The following PARD3 variants were observed in gnomAD, a reference collection of about 807,000 sequenced individuals.
PARD3 encodes partitioning defective 3 homolog.
A neutral mutation model predicts 155.4 loss-of-function variants in PARD3; 75 were observed. That is an observed-to-expected ratio of 0.48 (90% CI 0.40 to 0.58). PARD3 has a LOEUF of 0.58. Ranked by LOEUF, PARD3 falls within the 20% of genes least tolerant of loss-of-function variation. The pLI is 0.00. For synonymous variants in PARD3, 576 were observed against 610.5 expected, an observed-to-expected ratio of 0.94 and a Z score of 0.83; for missense variants, 1,642 against 1,721.7, an observed-to-expected ratio of 0.95 and a Z score of 0.82.
chr10:34,559,924 A>C (rs2085324993), intron 2 of PARD3, among the ~76,000 whole-genome samples: 1 of 152,192 alleles, frequency 6.6e-6, no homozygotes, highest in Admixed American at 6.5e-5. Context: ...CGTTCACATT[A>C]TATAGGGCAT....
intron 22 of PARD3, among the ~76,000 whole-genome samples, chr10:34,158,743 T>C (rs1949132254): frequency 6.6e-6 from 1 of 152,348 alleles, no homozygotes; most frequent in African/African-American, 2.4e-5. Flanking sequence ...TAGCTACAAG[T>C]GGCTATTAAG....
At chr10:34,790,844 T>C (rs2134242465) in intron 1 of PARD3, among the ~76,000 whole-genome samples, 1 of 152,236 alleles carries the variant, frequency 6.6e-6, no homozygotes, top group South Asian at 2.1e-4. Flanking sequence ...ACCAAAAAAA[T>C]GGCCTGTGAC....
At chr10:34,323,994 C>A (rs1197126594) in intron 19 of PARD3, among the ~76,000 whole-genome samples, 1 of 152,202 alleles carries the variant, frequency 6.6e-6, no homozygotes, top group African/African-American at 2.4e-5. Context: ...GCATTCCTAA[C>A]CCTACAGTTG....
chr10:34,418,827 G>A (rs971747014), intron 5 of PARD3, among the ~76,000 whole-genome samples: 2 of 152,098 alleles, frequency 1.3e-5, no homozygotes, highest in African/African-American at 4.8e-5. Flanking sequence ...CTGGAGTGCA[G>A]TGGCATAATC....
chr10:34,344,140 G>T, intron 15 of PARD3: 1 of 981,218 alleles, frequency 1.0e-6, no homozygotes, highest in Non-Finnish European at 1.2e-6. Context: ...AAATTATTCA[G>T]CTAAAAAAGT....
intron 5 of PARD3, among the ~76,000 whole-genome samples, chr10:34,426,196 T>C (rs761490723): frequency 2.2e-4 from 34 of 152,326 alleles, no homozygotes; most frequent in Non-Finnish European, 2.1e-4. Flanking sequence ...GCAAACAGTT[T>C]AGTAAAAGGA....
chr10:34,814,844 CCCCCTCCCCGCCCGCGCCCCCGG>C lies in PARD3; in HGVS notation c.120+9_120+31del, dbSNP rs754925673. On this transcript the variant is annotated intron_variant, in intron 1 of 24. Coordinates refer to ENST00000374788, the MANE Select transcript of PARD3 (RefSeq NM_001184785.2). ...GATCCCGGCGCCGTCCCCGCCGCCGCCCCCTCCCCGCCCGCGCCCCCGGCCCCTCACCTTGGCGATGGCCTTCC... is the reference window on the plus strand; with the variant it reads ...GATCCCGGCGCCGTCCCCGCCGCCGCCCCCTCACCTTGGCGATGGCCTTCC... 6 of 1,297,804 alleles carry C rather than the reference CCCCCTCCCCGCCCGCGCCCCCGG, an allele frequency of 4.6e-6. No individual in the cohort carries two copies. The Admixed American group carries it at 1.3e-4, about 28-fold the overall frequency. The allele number at this position is 1,297,804 out of a possible 1,614,324, so 80.4% of individuals were successfully genotyped here. A position where few individuals can be genotyped will look rare whatever the true frequency, so the allele number is the denominator to read the frequency against.
At chr10:34,508,110 C>G (rs1349707843) in intron 3 of PARD3, among the ~76,000 whole-genome samples, 1 of 152,064 alleles carries the variant, frequency 6.6e-6, no homozygotes, top group Non-Finnish European at 1.5e-5. Flanking sequence ...GGGGCACTAA[C>G]TTAGGTACAA....
rs923148907 is a variant in PARD3 at position 34,763,710 on chromosome 10, G to A, written c.120+51166C>T. Reference sequence around the variant, plus strand: ...ACACCTGCAGCTGTGTCTAGCCCACGGCCACCTGGGTACTCAGGAGAGACG... The same window carrying A: ...ACACCTGCAGCTGTGTCTAGCCCACAGCCACCTGGGTACTCAGGAGAGACG... On this transcript the variant is annotated intron_variant, in intron 1 of 24. Transcript: ENST00000374788. 3.3e-5 allele frequency among the ~76,000 whole-genome samples: 5 copies of A among 152,114 alleles called. No individual in the cohort carries two copies. In the East Asian group the frequency reaches 5.8e-4, roughly 18 times the overall value.
chr10:34,725,133 G>C (rs936416277), intron 1 of PARD3, among the ~76,000 whole-genome samples: 1 of 126,218 alleles, frequency 7.9e-6, no homozygotes, highest in African/African-American at 2.6e-5. Flanking sequence ...GTGTGTGTGT[G>C]TGTGTGTGTG....
At chr10:34,260,754 C>T (rs1339610888) in intron 22 of PARD3, among the ~76,000 whole-genome samples, 2 of 152,172 alleles carry the variant, frequency 1.3e-5, no homozygotes, top group Non-Finnish European at 2.9e-5. Flanking sequence ...GTAAGTAATA[C>T]TAAGCAAACA....
chr10:34,814,976 A>G lies in PARD3; in HGVS notation c.20T>C (p.Phe7Ser). The G allele has an allele frequency of 1.9e-6, 3 of 1,543,110 alleles. No homozygotes were observed. The highest frequency in any genetic ancestry group is 2.6e-6 in the Non-Finnish European group (3 of 1,146,250). ...CGGCACGACCACCCGGGTCCGTCCG[A>G]AGCACACGGTCACTTTCATGCCGCC... The part of the protein sequence containing the change: MKVTVC[F>S]GRTRVVVPCG... The change falls in exon 1 of 25, where the codon TTC becomes TCC. Residue 7 changes from phenylalanine to serine, a missense_variant. By Grantham distance (155) the Phe-to-Ser change is radical. Transcript: ENST00000374788.
intron 21 of PARD3, among the ~76,000 whole-genome samples, chr10:34,271,990 C>T (rs1453201086): frequency 6.6e-6 from 1 of 152,186 alleles, no homozygotes; most frequent in Non-Finnish European, 1.5e-5. Context: ...GCCAAACTTT[C>T]GTTTATGTAG....
chr10:34,584,925 T>G (rs1055360160), intron 2 of PARD3, among the ~76,000 whole-genome samples: 1 of 152,206 alleles, frequency 6.6e-6, no homozygotes, highest in Admixed American at 6.5e-5. Flanking sequence ...AAACATTAGT[T>G]AGCTTTTTGC....
chr10:34,577,601 C>T (rs1267324125), intron 2 of PARD3, among the ~76,000 whole-genome samples: 1 of 152,184 alleles, frequency 6.6e-6, no homozygotes, highest in Non-Finnish European at 1.5e-5. Context: ...TTCCTTCTGT[C>T]TAAATCCATC....
chr10:34,115,152 G>A (rs1946597852), intron 24 of PARD3, among the ~76,000 whole-genome samples: 1 of 152,192 alleles, frequency 6.6e-6, no homozygotes, highest in African/African-American at 2.4e-5. Context: ...AGGCTAAGAA[G>A]TTGGGAAGTA....
chr10:34,114,626 T>C (rs748383548), intron 24 of PARD3, among the ~76,000 whole-genome samples: 5 of 152,316 alleles, frequency 3.3e-5, no homozygotes, highest in South Asian at 2.1e-4. Context: ...ATTACAGGCA[T>C]GAGCCACTCT....
intron 2 of PARD3, among the ~76,000 whole-genome samples, chr10:34,622,879 T>C (rs906008932): frequency 6.6e-6 from 1 of 151,610 alleles, no homozygotes; most frequent in African/African-American, 2.4e-5. Context: ...TAATATTATT[T>C]CTTATAATCC....
intron 18 of PARD3, among the ~76,000 whole-genome samples, chr10:34,332,375 G>C (rs150244153): frequency 1.5e-3 from 232 of 152,218 alleles, no homozygotes; most frequent in Non-Finnish European, 2.0e-3. Context: ...GGGCAATCCA[G>C]GTTATAGAAC....
Sources: gnomAD v4.1 joint callset for allele counts (sites outside exome capture counted in the v4.1 genomes callset) on GRCh38, gnomAD v4.1.1 for gene constraint, MANE v1.5 for transcripts, NCBI Gene and HGNC (gene_info 2026-07-23, HGNC 2026-07-21) for gene names.